Variants in CDH12 observed in about 807,000 individuals in gnomAD.
CDH12 encodes the protein cadherin-12.
In CDH12, 41 loss-of-function variants were observed where a neutral mutation model predicts 74.1. The observed-to-expected ratio is 0.55, with a 90% confidence interval of 0.43 to 0.72. The LOEUF is 0.72. Ranked by LOEUF, CDH12 falls within the 30% of genes least tolerant of loss-of-function variation. The pLI is 0.00. For synonymous variants in CDH12, 399 were observed against 355.0 expected (o/e 1.12, Z -1.39); for missense variants, 945 against 977.2 (o/e 0.97, Z 0.44).
chr5:22,087,694 T>C (rs1451850804), intron 4 of CDH12, among the ~76,000 whole-genome samples: 2 of 152,148 alleles, frequency 1.3e-5, no homozygotes, highest in East Asian at 3.9e-4. Context: ...ATTTAGACAT[T>C]GCTTTGTAAT....
chr5:21,928,395 C>A (rs186137668), intron 6 of CDH12, among the ~76,000 whole-genome samples: 1 of 152,162 alleles, frequency 6.6e-6, no homozygotes, highest in South Asian at 2.1e-4. Flanking sequence ...TGGAGGAAAG[C>A]AATGTTGTCA....
chr5:22,232,699 C>T (rs1752424890), intron 3 of CDH12, among the ~76,000 whole-genome samples: 1 of 151,382 alleles, frequency 6.6e-6, no homozygotes, highest in Admixed American at 6.6e-5. Context: ...GAAAGCTTCT[C>T]TCTCTTTCTC....
intron 5 of CDH12, among the ~76,000 whole-genome samples, chr5:22,016,093 T>A (rs1737591519): frequency 6.6e-6 from 1 of 152,134 alleles, no homozygotes; most frequent in Non-Finnish European, 1.5e-5. Context: ...TAGACTGAAT[T>A]AGATTATTAA....
chr5:22,257,440 T>C (rs1298314093), intron 3 of CDH12, among the ~76,000 whole-genome samples: 1 of 151,870 alleles, frequency 6.6e-6, no homozygotes, highest in African/African-American at 2.4e-5. Flanking sequence ...GTTTGTTTTT[T>C]TAACCCATTT....
chr5:22,536,274 C>T (rs1737837280), intron 1 of CDH12, among the ~76,000 whole-genome samples: 1 of 152,190 alleles, frequency 6.6e-6, no homozygotes, highest in Admixed American at 6.5e-5. Context: ...GTTTCTTTGC[C>T]ATCAACAAAT....
chr5:21,988,809 G>A (rs1157225236), intron 5 of CDH12, among the ~76,000 whole-genome samples: 1 of 152,042 alleles, frequency 6.6e-6, no homozygotes, highest in African/African-American at 2.4e-5. Flanking sequence ...CACGTTCTAG[G>A]GTTTCATTAA....
Position 22,685,150 on chromosome 5 carries a change from C to A in CDH12, c.-523+167908G>T, listed in dbSNP as rs77409247. Reference sequence around the variant, plus strand: ...AATTCATATATCATTTGCCTATTAACGTGTACAATTATTTGTACAAATATT... The same window carrying A: ...AATTCATATATCATTTGCCTATTAAAGTGTACAATTATTTGTACAAATATT... On this transcript the variant is annotated intron_variant, in intron 1 of 14. Coordinates refer to ENST00000382254, the MANE Select transcript of CDH12 (RefSeq NM_004061.5). Among the ~76,000 whole-genome samples the A allele has an allele frequency of 1.1e-4, 17 of 152,264 alleles. No individual in the cohort carries two copies. In the East Asian group the frequency reaches 3.1e-3, roughly 28 times the overall value.
chr5:22,527,728 T>C (rs1737352961), intron 1 of CDH12, among the ~76,000 whole-genome samples: 1 of 152,194 alleles, frequency 6.6e-6, no homozygotes, highest in South Asian at 2.1e-4. Context: ...ATGGCAGATC[T>C]ACTCTAACAT....
intron 1 of CDH12, among the ~76,000 whole-genome samples, chr5:22,559,751 G>A (rs1371328522): frequency 1.3e-5 from 2 of 152,056 alleles, no homozygotes; most frequent in Non-Finnish European, 2.9e-5. Flanking sequence ...CAAGGCTAAC[G>A]GTTGTCACCA....
chr5:22,768,022 G>GA (rs948765662), intron 1 of CDH12, among the ~76,000 whole-genome samples: 1 of 151,592 alleles, frequency 6.6e-6, no homozygotes, highest in Admixed American at 6.6e-5. Context: ...TAAATTCAGT[G>GA]AAAAAAAGAC....
chr5:22,026,405 G>A (rs1738358232), intron 5 of CDH12, among the ~76,000 whole-genome samples: 1 of 152,094 alleles, frequency 6.6e-6, no homozygotes, highest in Non-Finnish European at 1.5e-5. Context: ...TTGACCAACT[G>A]CTAACCCTTG....
intron 4 of CDH12, among the ~76,000 whole-genome samples, chr5:22,083,269 T>A (rs1051941282): frequency 7.9e-5 from 12 of 152,232 alleles, no homozygotes; most frequent in African/African-American, 2.9e-4. Flanking sequence ...GACCTCTGCA[T>A]GTTCAACCCT....
chr5:21,793,528 C>T (rs894517074), intron 10 of CDH12, among the ~76,000 whole-genome samples: 2 of 151,568 alleles, frequency 1.3e-5, no homozygotes, highest in African/African-American at 2.4e-5. Context: ...TTCATTATAA[C>T]TATTTTGTTG....
At chr5:21,918,130 C>A (rs988119581) in intron 6 of CDH12, among the ~76,000 whole-genome samples, 1 of 128,810 alleles carries the variant, frequency 7.8e-6, no homozygotes, top group Non-Finnish European at 1.7e-5. Flanking sequence ...TATGCTGATA[C>A]ACTGCTATTT....
intron 3 of CDH12, among the ~76,000 whole-genome samples, chr5:22,308,697 A>G (rs528323439): frequency 6.6e-6 from 1 of 152,236 alleles, no homozygotes; most frequent in African/African-American, 2.4e-5. Context: ...ACTTGATCAC[A>G]TCGACAAAGC....
At chr5:21,765,852 A>C (rs1417399078) in intron 11 of CDH12, among the ~76,000 whole-genome samples, 1 of 152,072 alleles carries the variant, frequency 6.6e-6, no homozygotes, top group Non-Finnish European at 1.5e-5. Flanking sequence ...TTAAATCAAT[A>C]AAGCATAAAA....
chr5:22,598,877 A>G (rs192169282), intron 1 of CDH12, among the ~76,000 whole-genome samples: 1 of 152,236 alleles, frequency 6.6e-6, no homozygotes, highest in African/African-American at 2.4e-5. Flanking sequence ...AAGGTAATCA[A>G]TGTTTCTAGA....
At chr5:21,833,066 CAT>C (rs1490814653) in intron 8 of CDH12, among the ~76,000 whole-genome samples, 1 of 68,266 alleles carries the variant, frequency 1.5e-5, no homozygotes, top group Admixed American at 2.7e-4. Context: ...TGTTATATAA[CAT>C]ATAATATATA....
At chr5:22,735,022 T>C (rs1358198981) in intron 1 of CDH12, among the ~76,000 whole-genome samples, 1 of 151,946 alleles carries the variant, frequency 6.6e-6, no homozygotes, top group African/African-American at 2.4e-5. Context: ...ATTCAGCTTA[T>C]AGCAGAAAAT....
Sources: gnomAD v4.1 joint callset for allele counts (sites outside exome capture counted in the v4.1 genomes callset) on GRCh38, gnomAD v4.1.1 for gene constraint, MANE v1.5 for transcripts, NCBI Gene and HGNC (gene_info 2026-07-23, HGNC 2026-07-21) for gene names.